TANC1: variants seen among roughly 807,000 people sequenced by gnomAD.
TANC1 encodes tetratricopeptide repeat, ankyrin repeat and coiled-coil containing 1, also known as protein TANC1.
Under a neutral mutation model 149.7 loss-of-function variants are expected in TANC1, and 77 were observed. The observed-to-expected ratio is 0.51, with a 90% CI of 0.43 to 0.62. The LOEUF is 0.62. Among genes scored for constraint, TANC1 ranks in the 20% least tolerant of loss-of-function variants. The probability of loss-of-function intolerance (pLI) is 0.00; values close to 1 mark genes in which losing one functional copy is unlikely to be tolerated. For synonymous variants in TANC1, 854 were observed against 925.0 expected (o/e 0.92, Z 1.39); for missense variants, 1,985 against 2,321.8 (o/e 0.85, Z 2.98).
intron 4 of TANC1, among the ~76,000 whole-genome samples, chr2:159,135,462 T>C (rs187515905): frequency 6.6e-6 from 1 of 152,394 alleles, no homozygotes; most frequent in East Asian, 1.9e-4. Flanking sequence ...CTTAACCTTT[T>C]GAACGACTGC....
chr2:159,045,277 A>G (rs182265092), intron 2 of TANC1, among the ~76,000 whole-genome samples: 41 of 152,174 alleles, frequency 2.7e-4, no homozygotes, highest in Non-Finnish European at 4.3e-4. Flanking sequence ...TAAAAATACA[A>G]AAAAATTACC....
At chr2:159,173,966 A>C (rs1285698995) in intron 11 of TANC1, among the ~76,000 whole-genome samples, 1 of 152,132 alleles carries the variant, frequency 6.6e-6, no homozygotes, top group Admixed American at 6.5e-5. Context: ...ATCTAACCTC[A>C]GTGTCTGGTG....
intron 4 of TANC1, among the ~76,000 whole-genome samples, chr2:159,110,207 G>C (rs1378016258): frequency 1.5e-4 from 23 of 152,186 alleles, no homozygotes; most frequent in Admixed American, 1.5e-3. Flanking sequence ...CTGCAAGAGA[G>C]GTCCCCTGAA....
At chr2:159,114,759 G>A (rs2048067609) in intron 4 of TANC1, among the ~76,000 whole-genome samples, 1 of 152,024 alleles carries the variant, frequency 6.6e-6, no homozygotes, top group Admixed American at 6.5e-5. Flanking sequence ...TTATTCTGTG[G>A]TCATCTCAAG....
chr2:159,130,731 T>C (rs982470107), intron 4 of TANC1, among the ~76,000 whole-genome samples: 6 of 152,152 alleles, frequency 3.9e-5, no homozygotes, highest in Non-Finnish European at 8.8e-5. Flanking sequence ...CCTTAGTTTA[T>C]TTTTTTAAAG....
At chr2:158,992,756 G>T (rs2035780402) in intron 1 of TANC1, among the ~76,000 whole-genome samples, 1 of 147,172 alleles carries the variant, frequency 6.8e-6, no homozygotes, top group Non-Finnish European at 1.5e-5. Context: ...TCCTGACCTC[G>T]TGATCCACCC....
chr2:159,201,393 G>C (rs567689371), intron 19 of TANC1, among the ~76,000 whole-genome samples: 2 of 152,228 alleles, frequency 1.3e-5, no homozygotes, highest in Non-Finnish European at 2.9e-5. Flanking sequence ...ATGAGGCATC[G>C]TACAGAGAAC....
chr2:159,226,499 G>C (rs1575376902), intron 24 of TANC1: 1 of 152,288 alleles, frequency 6.6e-6, no homozygotes, highest in African/African-American at 2.4e-5. Flanking sequence ...GGGTTATTCT[G>C]TCTCCTAAGC....
At chr2:158,995,288 T>C (rs2036029036) in intron 1 of TANC1, among the ~76,000 whole-genome samples, 1 of 152,088 alleles carries the variant, frequency 6.6e-6, no homozygotes. Flanking sequence ...AAACTGAGAG[T>C]TGGTTATTAT....
At chr2:159,099,510 A>G (rs1332898613) in intron 4 of TANC1, among the ~76,000 whole-genome samples, 2 of 150,438 alleles carry the variant, frequency 1.3e-5, no homozygotes, top group East Asian at 3.9e-4. Context: ...AAAAAAAAAC[A>G]AAACAAAACA....
At chr2:158,979,914 A>G (rs1032922611) in intron 1 of TANC1, among the ~76,000 whole-genome samples, 3 of 152,244 alleles carry the variant, frequency 2.0e-5, no homozygotes, top group African/African-American at 7.2e-5. Flanking sequence ...ATAGATGCAA[A>G]AGACATCAAA....
chr2:158,977,277 C>T (rs2149196391), intron 1 of TANC1, among the ~76,000 whole-genome samples: 1 of 152,024 alleles, frequency 6.6e-6, no homozygotes, highest in African/African-American at 2.4e-5. Context: ...GTATCTGGGA[C>T]TACAGGTGTG....
intron 3 of TANC1, among the ~76,000 whole-genome samples, chr2:159,078,443 C>T (rs1342136896): frequency 1.3e-5 from 2 of 152,108 alleles, no homozygotes; most frequent in Non-Finnish European, 2.9e-5. Context: ...TGTAAGTCAT[C>T]CTTTATTTTT....
intron 7 of TANC1, among the ~76,000 whole-genome samples, chr2:159,151,330 C>A (rs1047760886): frequency 2.0e-5 from 3 of 152,226 alleles, no homozygotes; most frequent in Non-Finnish European, 4.4e-5. Flanking sequence ...GCTCCAGTGT[C>A]TGTGTGACTC....
At chr2:159,079,195 AGTT>A (rs71406144) in intron 3 of TANC1, among the ~76,000 whole-genome samples, 36,703 of 151,784 alleles carry the variant, frequency 0.24, 5,809 homozygotes, top group Non-Finnish European at 0.36. Flanking sequence ...CACTATGAGA[AGTT>A]GTTGTTGTTT....
At chr2:159,047,446 A>G (rs1420866213) in intron 2 of TANC1, among the ~76,000 whole-genome samples, 1 of 152,150 alleles carries the variant, frequency 6.6e-6, no homozygotes, top group East Asian at 1.9e-4. Flanking sequence ...GGGCCCCCAA[A>G]TCGCTAAAGC....
At chr2:159,196,501 C>A in intron 17 of TANC1, 107 bp from the exon 18 acceptor site, 1 of 888,976 alleles carries the variant, frequency 1.1e-6, no homozygotes, top group Non-Finnish European at 1.7e-6. Flanking sequence ...ATGTGAACCC[C>A]ATGTACGCTT....
intron 2 of TANC1, among the ~76,000 whole-genome samples, chr2:159,053,765 TGA>T (rs765477804): frequency 1.8e-4 from 28 of 152,226 alleles, no homozygotes; most frequent in Non-Finnish European, 2.9e-4. Context: ...ATTGTTTGTA[TGA>T]CACAAAGGTG....
intron 2 of TANC1, among the ~76,000 whole-genome samples, chr2:159,035,177 C>T (rs922240619): frequency 6.6e-6 from 1 of 151,974 alleles, no homozygotes; most frequent in Non-Finnish European, 1.5e-5. Context: ...GTGATGACCA[C>T]GAGGTAAACT....
Sources: gnomAD v4.1 joint callset for allele counts (sites outside exome capture counted in the v4.1 genomes callset) on GRCh38, gnomAD v4.1.1 for gene constraint, MANE v1.5 for transcripts, NCBI Gene and HGNC (gene_info 2026-07-23, HGNC 2026-07-21) for gene names.